Variants in LMNA observed in about 807,000 individuals in gnomAD.
LMNA encodes lamin A/C.
Under a neutral mutation model 70.4 loss-of-function variants are expected in LMNA, and 20 were observed. That is an observed-to-expected ratio of 0.28 (90% CI 0.20 to 0.41). LMNA has a LOEUF of 0.41. LMNA is among the 10% of genes least tolerant of loss of function. The pLI is 1.00. For missense variants in LMNA, 652 were observed against 917.2 expected (o/e 0.71, Z 3.73); for synonymous variants, 339 against 372.8 (o/e 0.91, Z 1.04).
At chr1:156,101,626 GGAAGGAAGGA>G (rs1250728769) in intron 3 of LMNA, among the ~76,000 whole-genome samples, 1 of 120,256 alleles carries the variant, frequency 8.3e-6, no homozygotes, top group African/African-American at 3.1e-5. Flanking sequence ...AAGGAAGGAC[GGAAGGAAGGA>G]AGGGAGGGAG....
intron 2 of LMNA, among the ~76,000 whole-genome samples, chr1:156,133,155 A>G (rs1651227141): frequency 6.6e-6 from 1 of 151,184 alleles, no homozygotes; most frequent in African/African-American, 2.4e-5. Context: ...TGTTCTCTCT[A>G]TGTTGTTGAG....
intron 1 of LMNA, chr1:156,126,636 G>T: frequency 1.7e-6 from 2 of 1,170,886 alleles, no homozygotes; most frequent in Admixed American, 1.9e-5. Context: ...TCAGACCCCT[G>T]CCTTGGGTCA....
chr1:156,110,891 G>A (rs1003781921), upstream of LMNA, among the ~76,000 whole-genome samples: 28 of 152,048 alleles, frequency 1.8e-4, no homozygotes, highest in African/African-American at 6.5e-4. Flanking sequence ...CAGGCAAATC[G>A]CTTGAACATG....
chr1:156,087,022 G>T (rs918151958), intron 2 of LMNA, among the ~76,000 whole-genome samples: 11 of 152,198 alleles, frequency 7.2e-5, no homozygotes, highest in African/African-American at 2.6e-4. Flanking sequence ...AGGGATGGGG[G>T]TGCACACCTA....
intron 1 of LMNA, among the ~76,000 whole-genome samples, chr1:156,118,562 G>T (rs1202129264): frequency 1.3e-5 from 2 of 152,150 alleles, no homozygotes; most frequent in Admixed American, 1.3e-4. Context: ...TAGAAAGTGG[G>T]GTGAAGACAA....
chr1:156,137,825 C>T lies in LMNA; in HGVS notation c.1698+82C>T, dbSNP rs367740182. The stretch of plus-strand genomic sequence containing the variant: ...GGGGGCAGCCTCTCCCCAGCCTCCC[C>T]GTGCCAAAAATCTTTTCATTAAAGA... On this transcript the variant is annotated intron_variant, in intron 10 of 11. Coordinates refer to ENST00000368300, the MANE Select transcript of LMNA (RefSeq NM_170707.4). The surrounding 1 kb of genome is among the most constrained non-coding windows in gnomAD (Gnocchi z 4.6). 1.6e-5 allele frequency: 24 copies of T among 1,542,054 alleles called. No homozygotes were observed. Among genetic ancestry groups the T allele is most frequent in the Middle Eastern group, 2.3e-4 (1 of 4,374 alleles).
At chr1:156,089,084 C>A (rs1648593187) in intron 2 of LMNA, among the ~76,000 whole-genome samples, 1 of 152,092 alleles carries the variant, frequency 6.6e-6, no homozygotes, top group Non-Finnish European at 1.5e-5. Flanking sequence ...CTCAAGTGAG[C>A]CTCCCACCTC....
Position 156,136,798 on chromosome 1 carries a change from G to T in LMNA, c.1381-123G>T, listed in dbSNP as rs1455750741. 3 of 796,532 alleles carry T rather than the reference G, an allele frequency of 3.8e-6. No individual in the cohort carries two copies. In the African/African-American group the frequency reaches 5.1e-5, roughly 14 times the overall value. The allele number at this position is 796,532 out of a possible 1,614,324, so 49.3% of individuals were successfully genotyped here. A position where few individuals can be genotyped will look rare whatever the true frequency, so the allele number is the denominator to read the frequency against. ...CCCCGGGGGAAGGGCAGTGACAGGG[G>T]TGTGTGTAGATGGAAGGAGAGGCCT... On this transcript the variant is annotated intron_variant, in intron 7 of 11. Transcript: ENST00000368300. The surrounding 1 kb of genome is among the most constrained non-coding windows in gnomAD (Gnocchi z 6.1).
rs1023322305 is a variant in LMNA, at chr1:156,127,514, T to G, written c.357-3103T>G. On this transcript the variant is annotated intron_variant, in intron 1 of 11. Transcript: ENST00000368300. ...AGACAAATAACCCCCTTACTGTTTT[T>G]TTTTTTTTTTTTTTTTTTTTTTGAG... 2.5e-4 allele frequency among the ~76,000 whole-genome samples: 26 copies of G among 106,036 alleles called. No homozygotes were observed. The South Asian group carries it at 3.6e-3, about 14-fold the overall frequency. 69.6% of individuals were successfully genotyped at this position (106,036 alleles called of 152,430 possible). A position where few individuals can be genotyped will look rare whatever the true frequency, so the allele number is the denominator to read the frequency against.
chr1:156,105,271 G>A (rs568182901), intron 3 of LMNA, among the ~76,000 whole-genome samples: 2 of 152,292 alleles, frequency 1.3e-5, no homozygotes, highest in South Asian at 2.1e-4. Context: ...ATCTAGAAGG[G>A]AGGTGGTTGG....
chr1:156,098,988 G>A (rs933443835), intron 3 of LMNA, among the ~76,000 whole-genome samples: 9 of 152,250 alleles, frequency 5.9e-5, no homozygotes, highest in Middle Eastern at 6.8e-3. Context: ...CTTTCTAATC[G>A]GGCTTAATTG....
In LMNA at chr1:156,139,589, G is replaced by GAA; in HGVS notation, c.*484_*485insAA. On this transcript the variant is annotated 3_prime_UTR_variant, in exon 12 of 12. Coordinates refer to ENST00000368300, the MANE Select transcript of LMNA (RefSeq NM_170707.4). The stretch of plus-strand genomic sequence containing the variant: ...CACTGCCAGGCCAGCCTCCGAGAGG[G>GAA]AGAGAGAGAGAGAGAGGACAGCTTG... 1 of 921,346 alleles carries GAA rather than the reference G, an allele frequency of 1.1e-6. No homozygotes were observed. Among genetic ancestry groups the GAA allele is most frequent in the Non-Finnish European group, 1.4e-6 (1 of 726,062 alleles). The allele number at this position is 921,346 out of a possible 1,614,324, so 57.1% of individuals were successfully genotyped here.
Position 156,135,607 on chromosome 1 carries a change from A to T in LMNA, c.937-294A>T, listed in dbSNP as rs1651500714. On this transcript the variant is annotated intron_variant, in intron 5 of 11. Transcript: ENST00000368300. This position sits in a 1 kb window ranked among gnomAD's most constrained non-coding sequence, Gnocchi z 4.8. Reference sequence around the variant, plus strand: ...AGTTGCCACAGGACTCTGCAATGTGAGGTGTTAAAAGCATCAGTATTTTTC... The same window carrying T: ...AGTTGCCACAGGACTCTGCAATGTGTGGTGTTAAAAGCATCAGTATTTTTC... The T allele has an allele frequency of 1.7e-6, 1 of 587,994 alleles. No individual in the cohort carries two copies. The highest frequency in any genetic ancestry group is 3.0e-5 in the Admixed American group (1 of 33,600). The allele number at this position is 587,994 out of a possible 1,614,324, so 36.4% of individuals were successfully genotyped here.
At position 156,135,235 on chromosome 1, in the gene LMNA, G is replaced by A. The variant is rs1221555471; in HGVS notation, c.859G>A (p.Ala287Thr). The A allele has an allele frequency of 1.9e-6, 3 of 1,613,724 alleles. No homozygotes were observed. The highest frequency in any genetic ancestry group is 2.5e-6 in the Non-Finnish European group (3 of 1,180,036). The change falls in exon 5 of 12, where the codon GCT (alanine) becomes ACT (threonine). Residue 287 changes from alanine (A) to threonine (T), a missense_variant. Physicochemically the swap from Ala to Thr is moderately conservative, Grantham distance 58 (BLOSUM62 0). Coordinates refer to ENST00000368300, the MANE Select transcript of LMNA (RefSeq NM_170707.4). This position sits in a 1 kb window ranked among gnomAD's most constrained non-coding sequence, Gnocchi z 4.8. ...SAERNSNLVG[A>T]AHEELQQSRI... is the part of the protein sequence containing the mutation. ...TGAGAGGAACAGCAACCTGGTGGGG[G>A]CTGCCCACGAGGAGCTGCAGCAGTC...
chr1:156,127,523 T>TG (rs1553264145), intron 1 of LMNA, among the ~76,000 whole-genome samples: 11 of 136,768 alleles, frequency 8.0e-5, no homozygotes, highest in African/African-American at 2.5e-4. Context: ...TTTTTTTTTT[T>TG]TTTTTTTTTT....
At chr1:156,108,144 C>T (rs1343359702) in intron 3 of LMNA, among the ~76,000 whole-genome samples, 4 of 152,122 alleles carry the variant, frequency 2.6e-5, no homozygotes, top group Non-Finnish European at 5.9e-5. Flanking sequence ...TAAATGGGAT[C>T]ACCTCCATAT....
chr1:156,114,882 C>G lies in LMNA; in HGVS notation c.-37C>G. The G allele has an allele frequency of 6.9e-7, 1 of 1,439,830 alleles. No individual in the cohort carries two copies. Among genetic ancestry groups the G allele is most frequent in the Middle Eastern group, 2.4e-4 (1 of 4,100 alleles). 89.2% of individuals were successfully genotyped at this position (1,439,830 alleles called of 1,614,324 possible). Reference sequence around the variant, plus strand: ...CCCGAGCCCCGCGCCCTTTCCGGGACCCCTGCCCCGCGGGCAGCGCTGCCA... The same window carrying G: ...CCCGAGCCCCGCGCCCTTTCCGGGAGCCCTGCCCCGCGGGCAGCGCTGCCA... On this transcript the variant is annotated 5_prime_UTR_variant, in exon 1 of 12. Transcript: ENST00000368300.
In LMNA at chr1:156,103,027, G is replaced by A. The variant is rs116210285; in HGVS notation, c.-206-11686G>A. 4.4e-3 allele frequency among the ~76,000 whole-genome samples: 665 copies of A among 152,274 alleles called. 3 individuals carry two copies. Among genetic ancestry groups the A allele is most frequent in the African/African-American group, 0.016 (646 of 41,546 alleles). Reference sequence around the variant, plus strand: ...AAGTCCATCCCGTGGTGCAGCTTCCGTCTCTCCCCTGGTTTCATTTCACAG... The same window carrying A: ...AAGTCCATCCCGTGGTGCAGCTTCCATCTCTCCCCTGGTTTCATTTCACAG... On this transcript the variant is annotated intron_variant, in intron 3 of 12. Coordinates refer to the LMNA transcript ENST00000368301. This position sits in a 1 kb window ranked among gnomAD's most constrained non-coding sequence, Gnocchi z 4.7.
At chr1:156,127,509 G>GTTTTTT (rs1170940332) in intron 1 of LMNA, among the ~76,000 whole-genome samples, 1 of 84,492 alleles carries the variant, frequency 1.2e-5, no homozygotes, top group Non-Finnish European at 2.3e-5. Context: ...CCCCCTTACT[G>GTTTTTT]TTTTTTTTTT....
Sources: allele counts gnomAD v4.1 joint callset (sites outside exome capture counted in the v4.1 genomes callset), GRCh38; gene constraint gnomAD v4.1.1; non-coding constraint Gnocchi (gnomAD v3.1); transcripts MANE v1.5; gene names NCBI Gene and HGNC (gene_info 2026-07-23, HGNC 2026-07-21).